Variants in FBXL17 observed in about 807,000 individuals in gnomAD.
FBXL17 encodes F-box and leucine rich repeat protein 17.
A neutral mutation model predicts 66.2 loss-of-function variants in FBXL17; 22 were observed. The ratio of observed to expected loss-of-function variants is 0.33; its 90% CI spans 0.24 to 0.47. The LOEUF (loss-of-function observed/expected upper bound fraction) is 0.47. FBXL17 is among the 20% of genes least tolerant of loss of function. The pLI is 1.00. For missense variants in FBXL17, 878 were observed against 948.2 expected (o/e 0.93, Z 0.97); for synonymous variants, 474 against 400.5 (o/e 1.18, Z -2.19).
intron 4 of FBXL17, among the ~76,000 whole-genome samples, chr5:108,269,037 T>C (rs1054487760): frequency 2.6e-5 from 4 of 152,072 alleles, no homozygotes; most frequent in African/African-American, 7.2e-5. Flanking sequence ...AGGGTGGTTA[T>C]TTTAGGCAGA....
At chr5:107,934,198 T>C (rs566946451) in intron 7 of FBXL17, among the ~76,000 whole-genome samples, 180 of 152,288 alleles carry the variant, frequency 1.2e-3, no homozygotes, top group African/African-American at 4.0e-3. Flanking sequence ...TCATTGTGCA[T>C]AATAATAATC....
rs554669040 is a variant in FBXL17 at position 108,381,577 on chromosome 5, C to T, written c.115G>A (p.Ala39Thr). 20 of 1,449,424 alleles carry T rather than the reference C, an allele frequency of 1.4e-5. No individual in the cohort carries two copies. In the African/African-American group the frequency reaches 2.5e-4, roughly 18 times the overall value. 89.8% of individuals were successfully genotyped at this position (1,449,424 alleles called of 1,614,324 possible). ...GCCGCCGGCTGAGGGGGCACCTTGG[C>T]TGGGGTCCGGCGGGGCAGCCTGAGG... ...PLLRLPRRTP[A>T]KVPPQPAAPR... The change falls in exon 1 of 9, where the codon GCC (alanine) becomes ACC (threonine). Residue 39 changes from alanine (A) to threonine (T), a missense_variant. Physicochemically the swap from Ala to Thr is moderately conservative, Grantham distance 58. Around this residue, in one of 4 missense-constraint regions of FBXL17, gnomAD observed 605 missense variants for 509.5 expected, o/e 1.19. Coordinates refer to ENST00000542267, the MANE Select transcript of FBXL17 (RefSeq NM_001163315.3).
chr5:107,927,129 T>G (rs1015908831), intron 7 of FBXL17, among the ~76,000 whole-genome samples: 2 of 152,032 alleles, frequency 1.3e-5, no homozygotes, highest in Admixed American at 1.3e-4. Context: ...AAACACTAAA[T>G]AGAAAATAAA....
intron 6 of FBXL17, among the ~76,000 whole-genome samples, chr5:108,083,138 T>G (rs1748831179): frequency 6.6e-6 from 1 of 151,510 alleles, no homozygotes; most frequent in African/African-American, 2.4e-5. Flanking sequence ...ATATTTAATG[T>G]GAAAAATATC....
At chr5:107,947,206 G>A (rs1029536994) in intron 7 of FBXL17, among the ~76,000 whole-genome samples, 3 of 152,060 alleles carry the variant, frequency 2.0e-5, no homozygotes, top group Non-Finnish European at 1.5e-5. Context: ...GCATTGCTAT[G>A]GGCAATGGAG....
chr5:108,356,755 A>G (rs1748020921), intron 3 of FBXL17, among the ~76,000 whole-genome samples: 1 of 152,090 alleles, frequency 6.6e-6, no homozygotes, highest in South Asian at 2.1e-4. Context: ...GATACATGTC[A>G]TTATATATTT....
chr5:107,881,027 C>G lies in FBXL17; in HGVS notation c.1965+10G>C, dbSNP rs776436269. 6.2e-7 allele frequency: 1 copy of G among 1,614,030 alleles called. No homozygotes were observed. The highest frequency in any genetic ancestry group is 1.1e-5 in the South Asian group (1 of 91,074). On this transcript the variant is annotated intron_variant, in intron 8 of 8. Coordinates refer to ENST00000542267, the MANE Select transcript of FBXL17 (RefSeq NM_001163315.3). ...TGTAGAAAGCAAACAACTTGATAGTCAACTCTTACTTTATCACATCTCATC... is the reference window on the plus strand; with the variant it reads ...TGTAGAAAGCAAACAACTTGATAGTGAACTCTTACTTTATCACATCTCATC...
At chr5:107,992,988 C>T (rs6596764) in intron 7 of FBXL17, among the ~76,000 whole-genome samples, 6 of 151,798 alleles carry the variant, frequency 4.0e-5, no homozygotes, top group Admixed American at 2.6e-4. Flanking sequence ...CTCCACCTCC[C>T]AGGTTCACGC....
Position 108,157,527 on chromosome 5 carries a change from GT to G in FBXL17, c.1745+28589del, listed in dbSNP as rs532726710. The stretch of plus-strand genomic sequence containing the variant: ...TCATGTTTGCTGTATTCTACGAACA[GT>G]TTTAGAAACAGTCTGTGAAGGCTCA... On this transcript the variant is annotated intron_variant, in intron 6 of 8. Transcript: ENST00000542267. Among the ~76,000 whole-genome samples the G allele has an allele frequency of 2.8e-4, 42 of 150,912 alleles. 1 individual carries two copies. The South Asian group carries it at 7.7e-3, about 28-fold the overall frequency.
intron 5 of FBXL17, among the ~76,000 whole-genome samples, chr5:108,211,320 T>C (rs1023324683): frequency 6.6e-6 from 1 of 152,198 alleles, no homozygotes; most frequent in Non-Finnish European, 1.5e-5. Flanking sequence ...ATTTAGCCAG[T>C]TTAAATTTAA....
In FBXL17 at chr5:107,970,954, G is replaced by A. The variant is rs190270898; in HGVS notation, c.1822+49971C>T. 6.2e-4 allele frequency among the ~76,000 whole-genome samples: 94 copies of A among 152,252 alleles called. 1 individual carries two copies. Among genetic ancestry groups the A allele is most frequent in the Admixed American group, 2.3e-3 (35 of 15,282 alleles). ...TTGGATTTATGTAAAATTATGATAT[G>A]CCCGACAGAATCTAGACACAGTATG... On this transcript the variant is annotated intron_variant, in intron 7 of 8. Coordinates refer to ENST00000542267, the MANE Select transcript of FBXL17 (RefSeq NM_001163315.3).
chr5:108,097,260 T>TC (rs1749404915), intron 6 of FBXL17, among the ~76,000 whole-genome samples: 1 of 152,162 alleles, frequency 6.6e-6, no homozygotes, highest in Admixed American at 6.6e-5. Context: ...TCCTGAGGCC[T>TC]CCCCAGCTGT....
intron 6 of FBXL17, among the ~76,000 whole-genome samples, chr5:108,108,470 G>A (rs531802458): frequency 4.7e-4 from 72 of 152,186 alleles, no homozygotes; most frequent in Non-Finnish European, 9.9e-4. Context: ...GGCACTTAGG[G>A]GTGCATATCT....
At chr5:108,174,474 C>T (rs1752718386) in intron 6 of FBXL17, among the ~76,000 whole-genome samples, 1 of 152,060 alleles carries the variant, frequency 6.6e-6, no homozygotes, top group Admixed American at 6.6e-5. Flanking sequence ...ATGTGATTTG[C>T]AGTAGGTATG....
At chr5:108,045,226 G>C (rs2112810914) in intron 6 of FBXL17, among the ~76,000 whole-genome samples, 1 of 152,210 alleles carries the variant, frequency 6.6e-6, no homozygotes, top group South Asian at 2.1e-4. Flanking sequence ...CGGATCATGA[G>C]GTCAGGAGTT....
At chr5:108,058,410 TTCTCTTTCTTTCTTCTTTCTTTCTC>T (rs1046732588) in intron 6 of FBXL17, among the ~76,000 whole-genome samples, 1 of 28,928 alleles carries the variant, frequency 3.5e-5, no homozygotes. Context: ...CCTTCTTTCT[TTCTCTTTCTTTCTTCTTTCTTTCTC>T]TTTCTTTCTT....
intron 6 of FBXL17, among the ~76,000 whole-genome samples, chr5:108,150,686 G>C (rs74432111): frequency 0.12 from 17,777 of 152,100 alleles, 1,257 homozygotes; most frequent in East Asian, 0.16. Flanking sequence ...TTGCTTCCTT[G>C]TGATTAAATT....
intron 7 of FBXL17, among the ~76,000 whole-genome samples, chr5:107,936,575 G>C (rs1051292852): frequency 8.9e-5 from 3 of 33,692 alleles, no homozygotes; most frequent in Non-Finnish European, 1.9e-4. Context: ...TGAAACTATT[G>C]ATGATGCTAC....
At chr5:107,866,894 T>C (rs761716486) in intron 8 of FBXL17, among the ~76,000 whole-genome samples, 1 of 152,212 alleles carries the variant, frequency 6.6e-6, no homozygotes, top group African/African-American at 2.4e-5. Context: ...CTGTCTGGTA[T>C]ATTCTTGCCC....
Sources: gnomAD v4.1 joint callset for allele counts (sites outside exome capture counted in the v4.1 genomes callset) on GRCh38, gnomAD v4.1.1 for gene constraint, gnomAD v4.1.1 regional missense constraint, MANE v1.5 for transcripts, NCBI Gene and HGNC (gene_info 2026-07-23, HGNC 2026-07-21) for gene names.